The following EXOC4 variants were observed in gnomAD, a reference collection of about 807,000 sequenced individuals.
The protein encoded by EXOC4 is SEC8-like 1.
A neutral mutation model predicts 107.2 loss-of-function variants in EXOC4; 71 were observed. That is an observed-to-expected ratio of 0.66 (90% CI 0.55 to 0.81). The LOEUF (loss-of-function observed/expected upper bound fraction) is 0.81, where lower values mean the gene tolerates loss of function less well. Ranked by LOEUF, EXOC4 falls within the 30% of genes least tolerant of loss-of-function variation. EXOC4 has a pLI of 0.00. For missense variants in EXOC4, 1,108 were observed against 1,189.6 expected (o/e 0.93, Z 1.01); for synonymous variants, 456 against 441.2 (o/e 1.03, Z -0.42).
chr7:133,519,824 A>T (rs1311413733), intron 9 of EXOC4, among the ~76,000 whole-genome samples: 1 of 152,178 alleles, frequency 6.6e-6, no homozygotes, highest in African/African-American at 2.4e-5. Flanking sequence ...AATGGAAATG[A>T]ATACACATCT....
chr7:133,563,091 T>C (rs1479642277), intron 9 of EXOC4, among the ~76,000 whole-genome samples: 1 of 152,180 alleles, frequency 6.6e-6, no homozygotes, highest in Non-Finnish European at 1.5e-5. Flanking sequence ...GGCTGAGTGT[T>C]ATATTTTAAA....
intron 9 of EXOC4, among the ~76,000 whole-genome samples, chr7:133,553,981 T>C (rs990331731): frequency 1.3e-5 from 2 of 152,140 alleles, no homozygotes; most frequent in Non-Finnish European, 2.9e-5. Flanking sequence ...TTTTAATACA[T>C]CATATAATAT....
At chr7:133,431,444 T>G (rs2150775863) in intron 7 of EXOC4, among the ~76,000 whole-genome samples, 1 of 152,298 alleles carries the variant, frequency 6.6e-6, no homozygotes, top group Middle Eastern at 3.4e-3. Context: ...TGGAAGGCAA[T>G]AAATTTGTAC....
At chr7:133,858,498 C>T (rs1488427380) in intron 11 of EXOC4, among the ~76,000 whole-genome samples, 1 of 152,118 alleles carries the variant, frequency 6.6e-6, no homozygotes, top group Admixed American at 6.6e-5. Context: ...GTGGATTCTC[C>T]CGGAGACTGA....
At chr7:133,884,755 A>G (rs148909174) in intron 11 of EXOC4, among the ~76,000 whole-genome samples, 9 of 152,280 alleles carry the variant, frequency 5.9e-5, no homozygotes, top group Middle Eastern at 3.4e-3. Context: ...GATACAGAGC[A>G]TTCGGCAAAC....
chr7:133,260,033 G>A (rs530195410), intron 1 of EXOC4, among the ~76,000 whole-genome samples: 6 of 133,554 alleles, frequency 4.5e-5, no homozygotes, highest in African/African-American at 2.0e-4. Flanking sequence ...GTTTTTTCCA[G>A]TACTTTTTTT....
At chr7:133,430,321 G>A (rs1044334959) in intron 7 of EXOC4, among the ~76,000 whole-genome samples, 12 of 152,170 alleles carry the variant, frequency 7.9e-5, no homozygotes, top group African/African-American at 2.4e-4. Flanking sequence ...GTGGGGCATG[G>A]CGGGCCAGGG....
chr7:133,462,761 A>G (rs1798624627), intron 7 of EXOC4, among the ~76,000 whole-genome samples: 1 of 152,186 alleles, frequency 6.6e-6, no homozygotes, highest in Non-Finnish European at 1.5e-5. Context: ...TGGCAGGAAA[A>G]AAAATTAGAT....
intron 7 of EXOC4, among the ~76,000 whole-genome samples, chr7:133,380,413 T>C (rs56341537): frequency 6.6e-6 from 1 of 151,834 alleles, no homozygotes; most frequent in Non-Finnish European, 1.5e-5. Context: ...AGTGGTTTTT[T>C]AATTATATTT....
chr7:133,995,927 T>C (rs950698797), intron 14 of EXOC4, among the ~76,000 whole-genome samples: 1 of 152,210 alleles, frequency 6.6e-6, no homozygotes, highest in Non-Finnish European at 1.5e-5. Context: ...AATGACCTTC[T>C]GAGTTAGTGA....
chr7:133,852,347 C>T (rs1312463788), intron 11 of EXOC4, among the ~76,000 whole-genome samples: 1 of 151,826 alleles, frequency 6.6e-6, no homozygotes, highest in African/African-American at 2.4e-5. Context: ...CTCAGCCTCC[C>T]GAGTAGCTGG....
intron 10 of EXOC4, among the ~76,000 whole-genome samples, chr7:133,742,316 C>T (rs777512046): frequency 1.3e-5 from 2 of 152,282 alleles, no homozygotes; most frequent in Non-Finnish European, 2.9e-5. Context: ...TTGAGAACTG[C>T]TCCTGCTTCA....
chr7:134,098,476 G>A, the EXOC4 span, among the ~76,000 whole-genome samples: 71 of 152,238 alleles, frequency 4.7e-4, 1 homozygote, highest in African/African-American at 1.6e-3. Flanking sequence ...TGCAAAATGT[G>A]GCTGAGCAGG....
chr7:133,829,206 A>G (rs1041847626), intron 11 of EXOC4, among the ~76,000 whole-genome samples: 3 of 152,190 alleles, frequency 2.0e-5, no homozygotes, highest in African/African-American at 7.2e-5. Flanking sequence ...ATGAAAGGAG[A>G]ATGAGAAATA....
intron 2 of EXOC4, among the ~76,000 whole-genome samples, chr7:133,281,669 T>G (rs1794153427): frequency 1.3e-5 from 2 of 151,964 alleles, no homozygotes; most frequent in African/African-American, 4.8e-5. Context: ...CTTCTTTATC[T>G]TTTCCTTGAT....
chr7:133,603,561 A>G (rs1801859802), intron 9 of EXOC4, among the ~76,000 whole-genome samples: 1 of 152,236 alleles, frequency 6.6e-6, no homozygotes, highest in Non-Finnish European at 1.5e-5. Context: ...AAACCTGTAC[A>G]ACATGTTACT....
chr7:133,460,178 G>T (rs771718508), intron 7 of EXOC4, among the ~76,000 whole-genome samples: 28 of 152,140 alleles, frequency 1.8e-4, no homozygotes, highest in Non-Finnish European at 3.4e-4. Context: ...TTAGATTCTC[G>T]TAAGGAGCAC....
At chr7:133,558,994 A>G (rs1325504626) in intron 9 of EXOC4, among the ~76,000 whole-genome samples, 2 of 152,350 alleles carry the variant, frequency 1.3e-5, no homozygotes, top group African/African-American at 2.4e-5. Context: ...TATGGGGGCT[A>G]TGTAAAATGC....
chr7:133,269,055 T>C (rs1793803421), intron 1 of EXOC4, among the ~76,000 whole-genome samples: 1 of 152,220 alleles, frequency 6.6e-6, no homozygotes, highest in African/African-American at 2.4e-5. Flanking sequence ...TCTAGAGTGA[T>C]TCAATAACTT....
Sources: allele counts gnomAD v4.1 joint callset (sites outside exome capture counted in the v4.1 genomes callset), GRCh38; gene constraint gnomAD v4.1.1; transcripts MANE v1.5; gene names NCBI Gene and HGNC (gene_info 2026-07-23, HGNC 2026-07-21).